Variants in EFCAB11 observed in about 807,000 individuals in gnomAD.
EFCAB11 encodes EF-hand calcium-binding domain-containing protein 11.
Under a neutral mutation model 23.0 loss-of-function variants are expected in EFCAB11, and 14 were observed. The observed-to-expected ratio is 0.61, with a 90% confidence interval of 0.40 to 0.95. EFCAB11 has a LOEUF of 0.95. EFCAB11 is among the 40% of genes least tolerant of loss of function. The pLI is 0.00. For missense variants in EFCAB11, 198 were observed against 195.8 expected (o/e 1.01, Z -0.07); for synonymous variants, 65 against 66.6 (o/e 0.98, Z 0.11).
intron 5 of EFCAB11, among the ~76,000 whole-genome samples, chr14:89,899,122 G>A (rs900392681): frequency 5.9e-5 from 9 of 152,206 alleles, no homozygotes; most frequent in African/African-American, 1.7e-4. Context: ...TGTGTTACAC[G>A]TAGAGAGTTG....
intron 5 of EFCAB11, among the ~76,000 whole-genome samples, chr14:89,806,741 A>T (rs186173413): frequency 2.0e-5 from 3 of 152,318 alleles, no homozygotes; most frequent in Non-Finnish European, 4.4e-5. Flanking sequence ...CTCAACTGCT[A>T]TGACTTTGAA....
intron 5 of EFCAB11, among the ~76,000 whole-genome samples, chr14:89,878,040 A>G (rs1311477005): frequency 6.6e-6 from 1 of 152,244 alleles, no homozygotes; most frequent in Non-Finnish European, 1.5e-5. Context: ...CTTTCTTCCA[A>G]CGCTACAGAA....
intron 5 of EFCAB11, chr14:89,924,784 C>T: frequency 8.2e-7 from 1 of 1,226,106 alleles, no homozygotes; most frequent in Non-Finnish European, 1.1e-6. Flanking sequence ...CTCCTGACTG[C>T]ATTTTAAAGG....
rs1443011918 is a variant in EFCAB11 at position 89,924,699 on chromosome 14, C to G, written c.410+6842G>C. 7 of 1,535,104 alleles carry G rather than the reference C, an allele frequency of 4.6e-6. No homozygotes were observed. In the African/African-American group the frequency reaches 9.6e-5, roughly 21 times the overall value. ...GCCTCTGAAATAAAGCAAAAAGAGA[C>G]CACCAGAGATTAATTCATGAAAATC... On this transcript the variant is annotated intron_variant, in intron 5 of 5. Transcript: ENST00000316738.
At chr14:89,862,046 T>C (rs1887940750) in intron 5 of EFCAB11, among the ~76,000 whole-genome samples, 1 of 152,218 alleles carries the variant, frequency 6.6e-6, no homozygotes, top group Non-Finnish European at 1.5e-5. Flanking sequence ...TGAATTTTAG[T>C]TTCCTTAGCA....
At chr14:89,916,247 T>G (rs1487352169) in intron 5 of EFCAB11, among the ~76,000 whole-genome samples, 1 of 152,202 alleles carries the variant, frequency 6.6e-6, no homozygotes, top group African/African-American at 2.4e-5. Flanking sequence ...GATGATAAAT[T>G]TGTAACCCAC....
At chr14:89,907,306 C>T (rs1889527410) in intron 5 of EFCAB11, among the ~76,000 whole-genome samples, 1 of 152,142 alleles carries the variant, frequency 6.6e-6, no homozygotes, top group Non-Finnish European at 1.5e-5. Flanking sequence ...TTATTTAAGT[C>T]ATAAATGTTT....
At chr14:89,810,175 G>A in intron 5 of EFCAB11, among the ~76,000 whole-genome samples, 1 of 152,180 alleles carries the variant, frequency 6.6e-6, no homozygotes, top group East Asian at 1.9e-4. Context: ...TTGGCACAGT[G>A]TCTGGCACAC....
intron 5 of EFCAB11, among the ~76,000 whole-genome samples, chr14:89,801,949 G>A (rs182213327): frequency 3.4e-4 from 52 of 150,860 alleles, no homozygotes; most frequent in African/African-American, 1.0e-3. Context: ...AGCTGAGATC[G>A]CACTACTGCA....
chr14:89,809,748 G>A (rs1372771939), intron 5 of EFCAB11, among the ~76,000 whole-genome samples: 1 of 152,192 alleles, frequency 6.6e-6, no homozygotes, highest in Non-Finnish European at 1.5e-5. Flanking sequence ...ACCTCCAAAT[G>A]TCTGAGAAAG....
intron 3 of EFCAB11, among the ~76,000 whole-genome samples, chr14:89,946,096 T>C (rs1176722377): frequency 6.6e-6 from 1 of 151,960 alleles, no homozygotes; most frequent in African/African-American, 2.4e-5. Flanking sequence ...TTTTTTTGTA[T>C]TTTTTCGTAA....
At chr14:89,859,090 G>A (rs1294703658) in intron 5 of EFCAB11, among the ~76,000 whole-genome samples, 1 of 152,178 alleles carries the variant, frequency 6.6e-6, no homozygotes, top group Admixed American at 6.5e-5. Context: ...TCACGAAATT[G>A]TAAAAATCAG....
chr14:89,874,307 CA>C (rs1379992089), intron 5 of EFCAB11, among the ~76,000 whole-genome samples: 1 of 152,186 alleles, frequency 6.6e-6, no homozygotes, highest in Non-Finnish European at 1.5e-5. Context: ...GCCCAGCCCA[CA>C]AAACCATTTT....
intron 5 of EFCAB11, among the ~76,000 whole-genome samples, chr14:89,833,782 G>A (rs917108948): frequency 1.3e-5 from 2 of 152,176 alleles, no homozygotes; most frequent in African/African-American, 2.4e-5. Flanking sequence ...CAGAACTGCA[G>A]AAATCATTTA....
chr14:89,870,127 T>TA (rs1211610436), intron 5 of EFCAB11, among the ~76,000 whole-genome samples: 1 of 152,230 alleles, frequency 6.6e-6, no homozygotes, highest in Non-Finnish European at 1.5e-5. Flanking sequence ...AATTCCCAGG[T>TA]AATGCCCCCT....
At chr14:89,832,226 T>C (rs1377533782) in intron 5 of EFCAB11, among the ~76,000 whole-genome samples, 3 of 152,018 alleles carry the variant, frequency 2.0e-5, no homozygotes, top group Non-Finnish European at 4.4e-5. Context: ...GGTAGGAGAA[T>C]CACTTGAATC....
chr14:89,876,015 A>G (rs1888426801), intron 5 of EFCAB11, among the ~76,000 whole-genome samples: 1 of 152,212 alleles, frequency 6.6e-6, no homozygotes. Flanking sequence ...AAGGGTTCAA[A>G]GACTGAAGGG....
intron 3 of EFCAB11, among the ~76,000 whole-genome samples, chr14:89,939,758 T>A (rs1890726731): frequency 6.6e-6 from 1 of 152,210 alleles, no homozygotes; most frequent in Non-Finnish European, 1.5e-5. Context: ...ACACATTTTT[T>A]GATGGAGTCT....
intron 5 of EFCAB11, among the ~76,000 whole-genome samples, chr14:89,854,021 A>T (rs575781604): frequency 6.6e-6 from 1 of 152,318 alleles, no homozygotes; most frequent in Non-Finnish European, 1.5e-5. Context: ...AATCAAAAAG[A>T]GAGAGAGCAA....
Sources: allele counts gnomAD v4.1 joint callset (sites outside exome capture counted in the v4.1 genomes callset), GRCh38; gene constraint gnomAD v4.1.1; transcripts MANE v1.5; gene names NCBI Gene and HGNC (gene_info 2026-07-23, HGNC 2026-07-21).